ANO3: variants seen among roughly 807,000 people sequenced by gnomAD.
ANO3 encodes the protein anoctamin-3.
ANO3 carries 99 observed loss-of-function variants against 144.8 expected under a neutral mutation model. That is an observed-to-expected ratio of 0.68 (90% CI 0.58 to 0.81). The LOEUF (loss-of-function observed/expected upper bound fraction) is 0.81. ANO3 is among the 30% of genes least tolerant of loss of function. The pLI is 0.00. For synonymous variants in ANO3, 414 were observed against 392.6 expected (o/e 1.05, Z -0.64); for missense variants, 905 against 1,202.2 (o/e 0.75, Z 3.66).
chr11:26,586,158 A>C (rs1196111509), intron 14 of ANO3, among the ~76,000 whole-genome samples: 3 of 152,178 alleles, frequency 2.0e-5, no homozygotes, highest in Non-Finnish European at 2.9e-5. Context: ...AGCTTTAAAA[A>C]GTACTGATGA....
At chr11:26,643,406 A>G in intron 23 of ANO3, 72 bp downstream of exon 23, 4 of 1,556,900 alleles carry the variant, frequency 2.6e-6, no homozygotes, top group East Asian at 4.5e-5. Flanking sequence ...GTGTGCCCCC[A>G]GATTCATATG....
intron 1 of ANO3, among the ~76,000 whole-genome samples, chr11:26,437,716 G>A (rs1858344529): frequency 6.6e-6 from 1 of 152,252 alleles, no homozygotes; most frequent in Admixed American, 6.5e-5. Context: ...AGTCTGCAGT[G>A]TCTATTCTTC....
intron 14 of ANO3, among the ~76,000 whole-genome samples, chr11:26,581,516 C>T (rs574231147): frequency 6.6e-6 from 1 of 151,580 alleles, no homozygotes; most frequent in Non-Finnish European, 1.5e-5. Context: ...TGGTGAAACC[C>T]CGTCTCTACT....
chr11:26,475,282 C>T (rs1859918991), intron 4 of ANO3, among the ~76,000 whole-genome samples: 1 of 151,772 alleles, frequency 6.6e-6, no homozygotes, highest in Admixed American at 6.6e-5. Context: ...ATATGGTATT[C>T]AGCATCACAC....
At chr11:26,376,543 C>T (rs61877726) in intron 1 of ANO3, among the ~76,000 whole-genome samples, 21,947 of 151,944 alleles carry the variant, frequency 0.14, 1,718 homozygotes, top group South Asian at 0.27. Flanking sequence ...ACATGTCCTT[C>T]GAAGGCATCA....
At chr11:26,357,542 A>G (rs1484781709) in intron 1 of ANO3, among the ~76,000 whole-genome samples, 1 of 151,776 alleles carries the variant, frequency 6.6e-6, no homozygotes, top group Non-Finnish European at 1.5e-5. Context: ...TTTTTAAATC[A>G]GGTCATCAGT....
At chr11:26,492,435 G>A (rs1220700543) in intron 4 of ANO3, among the ~76,000 whole-genome samples, 1 of 152,114 alleles carries the variant, frequency 6.6e-6, no homozygotes, top group Non-Finnish European at 1.5e-5. Context: ...AGCTCCATCT[G>A]TCATGATAAC....
intron 21 of ANO3, among the ~76,000 whole-genome samples, chr11:26,641,314 A>G (rs1422222927): frequency 6.6e-6 from 1 of 152,210 alleles, no homozygotes; most frequent in Non-Finnish European, 1.5e-5. Flanking sequence ...CAGAGAGGTG[A>G]AGTGACTTGC....
At chr11:26,376,592 AC>A (rs1856417008) in intron 1 of ANO3, among the ~76,000 whole-genome samples, 1 of 151,692 alleles carries the variant, frequency 6.6e-6, no homozygotes, top group Non-Finnish European at 1.5e-5. Flanking sequence ...GTTTATTCGC[AC>A]CCCTACCCGC....
At chr11:26,215,726 C>A (rs755759279) in intron 1 of ANO3, among the ~76,000 whole-genome samples, 1 of 151,874 alleles carries the variant, frequency 6.6e-6, no homozygotes, top group East Asian at 1.9e-4. Flanking sequence ...TTAACTATCA[C>A]TATTTCTATG....
intron 14 of ANO3, among the ~76,000 whole-genome samples, chr11:26,576,030 C>T (rs1385105853): frequency 2.0e-5 from 3 of 152,314 alleles, no homozygotes; most frequent in African/African-American, 4.8e-5. Context: ...AAGACTTTGT[C>T]GCTCAGGTGG....
At chr11:26,249,937 T>C (rs1852888746) in intron 1 of ANO3, among the ~76,000 whole-genome samples, 1 of 152,176 alleles carries the variant, frequency 6.6e-6, no homozygotes, top group Non-Finnish European at 1.5e-5. Context: ...ACTCTCAATA[T>C]GTCACCTCCA....
rs34247304 is a variant in ANO3 at position 26,541,641 on chromosome 11, ATT to A, written c.1033-305_1033-304del. Among the ~76,000 whole-genome samples the A allele has an allele frequency of 0.71, 107,409 of 151,298 alleles. 38,395 individuals carry two copies. The highest frequency in any genetic ancestry group is 0.84 in the East Asian group (4,300 of 5,118). On this transcript the variant is annotated intron_variant, in intron 10 of 26. Transcript: ENST00000256737. ...AATTTCTCTCAATGATGGTGAAGAT[ATT>A]GTGTTTATTAAAAGACCTTAAATTC...
At chr11:26,373,505 T>C (rs1393483143) in intron 1 of ANO3, among the ~76,000 whole-genome samples, 1 of 152,200 alleles carries the variant, frequency 6.6e-6, no homozygotes, top group Non-Finnish European at 1.5e-5. Context: ...TGCTTTTCTT[T>C]ATAAATTACC....
chr11:26,418,496 A>C (rs1857657857), intron 1 of ANO3, among the ~76,000 whole-genome samples: 1 of 152,072 alleles, frequency 6.6e-6, no homozygotes. Context: ...CCATTTTGAG[A>C]TCTTTGCTGT....
chr11:26,329,321 CACACACAG>C (rs755033031), upstream of ANO3, among the ~76,000 whole-genome samples: 26 of 75,394 alleles, frequency 3.4e-4, no homozygotes, highest in South Asian at 1.2e-3. Flanking sequence ...CACACACACA[CACACACAG>C]AGAGAGAGAG....
chr11:26,421,450 C>T (rs986028828), intron 1 of ANO3, among the ~76,000 whole-genome samples: 2 of 151,964 alleles, frequency 1.3e-5, no homozygotes, highest in African/African-American at 4.8e-5. Context: ...AATTACATAG[C>T]ATCCCCAAGA....
At chr11:26,383,888 C>CTTTTTTTTTTTTTTTTTTTTTTT (rs61094091) in intron 1 of ANO3, among the ~76,000 whole-genome samples, 1 of 70,148 alleles carries the variant, frequency 1.4e-5, no homozygotes, top group African/African-American at 5.6e-5. Context: ...ATGCATTGTT[C>CTTTTTTTTTTTTTTTTTTTTTTT]TTTTTTTTTT....
intron 1 of ANO3, among the ~76,000 whole-genome samples, chr11:26,358,633 T>G (rs1298181793): frequency 6.6e-6 from 1 of 152,186 alleles, no homozygotes; most frequent in African/African-American, 2.4e-5. Context: ...TTAGCCTTCT[T>G]AAATATGTGG....
Sources: allele counts gnomAD v4.1 joint callset (sites outside exome capture counted in the v4.1 genomes callset), GRCh38; gene constraint gnomAD v4.1.1; transcripts MANE v1.5; gene names NCBI Gene and HGNC (gene_info 2026-07-23, HGNC 2026-07-21).